Variants in IL1RAPL1 observed in about 807,000 individuals in gnomAD.
The protein encoded by IL1RAPL1 is interleukin 1 receptor accessory protein like 1.
IL1RAPL1 carries 3 observed loss-of-function variants against 48.4 expected under a neutral mutation model. That is an observed-to-expected ratio of 0.06 (90% CI 0.03 to 0.16). The LOEUF (loss-of-function observed/expected upper bound fraction) is 0.16. Among genes scored for constraint, IL1RAPL1 ranks in the 10% least tolerant of loss-of-function variants. The pLI is 1.00. For synonymous variants in IL1RAPL1, 185 were observed against 187.7 expected, an observed-to-expected ratio of 0.99 and a Z score of 0.12; for missense variants, 349 against 530.6, an observed-to-expected ratio of 0.66 and a Z score of 3.36.
Position 29,116,363 on chromosome X carries a change from C to T in IL1RAPL1, c.83-166575C>T, listed in dbSNP as rs192574347. 7.3e-4 allele frequency among the ~76,000 whole-genome samples: 81 copies of T among 110,589 alleles called. No individual in the cohort carries two copies. In the Middle Eastern group the frequency reaches 0.014, roughly 19 times the overall value. On this transcript the variant is annotated intron_variant, in intron 2 of 10. Coordinates refer to ENST00000378993, the MANE Select transcript of IL1RAPL1 (RefSeq NM_014271.4). The stretch of plus-strand genomic sequence containing the variant: ...GAAACACAAATTAAAGGCTATGACC[C>T]GGGAACTTGGTACAATGATTTGAAC...
intron 3 of IL1RAPL1, among the ~76,000 whole-genome samples, chrX:29,377,801 G>A (rs975166191): frequency 9.0e-6 from 1 of 110,941 alleles, no homozygotes; most frequent in African/African-American, 3.3e-5. Flanking sequence ...TTTTTCTTTT[G>A]GATTGACCTT....
chrX:29,468,292 C>T (rs1331431554), intron 5 of IL1RAPL1, among the ~76,000 whole-genome samples: 5 of 112,375 alleles, frequency 4.4e-5, no homozygotes, highest in Non-Finnish European at 9.4e-5. Flanking sequence ...TTGAAGGAAG[C>T]GTATTTACTG....
intron 1 of IL1RAPL1, among the ~76,000 whole-genome samples, chrX:28,689,367 A>T (rs1485080651): frequency 1.8e-5 from 2 of 110,328 alleles, no homozygotes; most frequent in Non-Finnish European, 3.8e-5. Context: ...TTTGCTCTGC[A>T]TTTCTCTCCC....
intron 2 of IL1RAPL1, among the ~76,000 whole-genome samples, chrX:28,820,607 G>A (rs925037068): frequency 4.5e-5 from 5 of 111,710 alleles, no homozygotes; most frequent in African/African-American, 1.6e-4. Flanking sequence ...GGTTTTTTAA[G>A]TCGGAAGAGT....
At chrX:29,905,984 G>A (rs897460381) in intron 6 of IL1RAPL1, among the ~76,000 whole-genome samples, 3 of 110,898 alleles carry the variant, frequency 2.7e-5, no homozygotes, top group Non-Finnish European at 5.7e-5. Flanking sequence ...AGGGGGGATA[G>A]GAGAGGTGAG....
intron 2 of IL1RAPL1, among the ~76,000 whole-genome samples, chrX:28,900,792 A>G (rs925995129): frequency 1.8e-5 from 2 of 111,682 alleles, no homozygotes; most frequent in African/African-American, 6.5e-5. Context: ...CATTTAAACA[A>G]CCAGCTTTAC....
chrX:29,630,607 C>T (rs1316516552), intron 5 of IL1RAPL1, among the ~76,000 whole-genome samples: 1 of 107,952 alleles, frequency 9.3e-6, no homozygotes, highest in Non-Finnish European at 1.9e-5. Context: ...GGTGCAATCT[C>T]GGCTCACTGC....
In IL1RAPL1 at chrX:29,797,089, A is replaced by G. The variant is rs182168190; in HGVS notation, c.779-120375A>G. Among the ~76,000 whole-genome samples the G allele has an allele frequency of 2.9e-4, 33 of 111,973 alleles. 1 individual carries two copies. The East Asian group carries it at 8.4e-3, about 29-fold the overall frequency. ...CTCTCTGCATCCTTACCAACCTTCT[A>G]TTTTCCAGGGGATTTTTTACTAAGT... On this transcript the variant is annotated intron_variant, in intron 6 of 10. Coordinates refer to ENST00000378993, the MANE Select transcript of IL1RAPL1 (RefSeq NM_014271.4).
rs71956626 is a variant in IL1RAPL1, at chrX:29,686,534, G to GATTTATTTATTT, written c.778+18060_778+18071dup. On this transcript the variant is annotated intron_variant, in intron 6 of 10. Coordinates refer to ENST00000378993, the MANE Select transcript of IL1RAPL1 (RefSeq NM_014271.4). ...CCCTGCCTCCCCCCACCCCCCTAAA[G>GATTTATTTATTT]ATTTATTTATTTATTTATTTATTTA... 2.1e-3 allele frequency among the ~76,000 whole-genome samples: 176 copies of GATTTATTTATTT among 83,330 alleles called. 2 individuals are homozygous for GATTTATTTATTT. The highest frequency in any genetic ancestry group is 3.2e-3 in the Non-Finnish European group (140 of 44,299). The allele number at this position is 83,330 out of a possible 115,157, so 72.4% of individuals were successfully genotyped here. A position where few individuals can be genotyped will look rare whatever the true frequency, so the allele number is the denominator to read the frequency against.
chrX:29,860,246 T>G lies in IL1RAPL1; in HGVS notation c.779-57218T>G, dbSNP rs187862821. Among the ~76,000 whole-genome samples, 15 of 112,011 alleles carry G rather than the reference T, an allele frequency of 1.3e-4. No individual in the cohort carries two copies. In the East Asian group the frequency reaches 3.9e-3, roughly 29 times the overall value. On this transcript the variant is annotated intron_variant, in intron 6 of 10. Transcript: ENST00000378993. ...TGCATTGTTTTTATTCCAAATTAGC[T>G]TATAATTTAGTGTGTCAATAAACCA...
chrX:28,816,748 G>T (rs76406777), intron 2 of IL1RAPL1, among the ~76,000 whole-genome samples: 1 of 110,823 alleles, frequency 9.0e-6, no homozygotes, highest in Admixed American at 9.6e-5. Context: ...TTTCCTTGGG[G>T]TATATACCCA....
intron 5 of IL1RAPL1, among the ~76,000 whole-genome samples, chrX:29,550,682 G>C (rs745927977): frequency 2.7e-5 from 3 of 111,507 alleles, no homozygotes; most frequent in African/African-American, 9.8e-5. Flanking sequence ...GCATTGTACA[G>C]TTGATGGAAG....
chrX:29,406,508 A>G (rs1262094172), intron 5 of IL1RAPL1, among the ~76,000 whole-genome samples: 6 of 111,100 alleles, frequency 5.4e-5, no homozygotes, highest in Non-Finnish European at 9.4e-5. Context: ...CAGATCTCAC[A>G]CTCTACTTTT....
chrX:29,832,210 A>G (rs1230000927), intron 6 of IL1RAPL1, among the ~76,000 whole-genome samples: 1 of 112,062 alleles, frequency 8.9e-6, no homozygotes, highest in African/African-American at 3.2e-5. Context: ...TGTGCCATGA[A>G]GAAAAATAAG....
chrX:28,713,533 C>T, intron 1 of IL1RAPL1, among the ~76,000 whole-genome samples: 1 of 110,709 alleles, frequency 9.0e-6, no homozygotes, highest in Non-Finnish European at 1.9e-5. Context: ...ACCTATAGCC[C>T]CAAAAAGTCT....
chrX:29,503,619 C>T (rs1225950343), intron 5 of IL1RAPL1, among the ~76,000 whole-genome samples: 1 of 110,954 alleles, frequency 9.0e-6, no homozygotes, highest in Non-Finnish European at 1.9e-5. Flanking sequence ...TTGATCATTC[C>T]AGAGCATGTT....
At chrX:28,944,047 A>G (rs915454400) in intron 2 of IL1RAPL1, among the ~76,000 whole-genome samples, 1 of 111,175 alleles carries the variant, frequency 9.0e-6, no homozygotes, top group African/African-American at 3.3e-5. Context: ...ATATAAGTCA[A>G]TTTAGTTATT....
intron 2 of IL1RAPL1, among the ~76,000 whole-genome samples, chrX:28,874,063 CT>C (rs1445082565): frequency 2.7e-5 from 3 of 109,888 alleles, no homozygotes; most frequent in South Asian, 3.9e-4. Flanking sequence ...ATCCCAATAT[CT>C]GAACATTTGA....
intron 5 of IL1RAPL1, among the ~76,000 whole-genome samples, chrX:29,578,804 G>A (rs6628454): frequency 0.48 from 52,378 of 110,213 alleles, 9,516 homozygotes; most frequent in African/African-American, 0.65. Context: ...ATTTGTAGAT[G>A]TATCAGTTGA....
Sources: allele counts gnomAD v4.1 joint callset (sites outside exome capture counted in the v4.1 genomes callset), GRCh38; gene constraint gnomAD v4.1.1; transcripts MANE v1.5; gene names NCBI Gene and HGNC (gene_info 2026-07-23, HGNC 2026-07-21).